Variants in CSMD1 observed in about 807,000 individuals in gnomAD.
The protein encoded by CSMD1 is CUB and Sushi multiple domains 1.
In CSMD1, 213 loss-of-function variants were observed where a neutral mutation model predicts 417.5. The ratio of observed to expected loss-of-function variants is 0.51; its 90% CI spans 0.46 to 0.57. The LOEUF is 0.57. CSMD1 is among the 20% of genes least tolerant of loss of function. CSMD1 has a pLI of 0.00. For missense variants in CSMD1, 6,923 were observed against 4,529.7 expected, an observed-to-expected ratio of 1.53 and a Z score of -15.17; for synonymous variants, 2,862 against 1,736.8, an observed-to-expected ratio of 1.65 and a Z score of -16.11.
At chr8:4,933,570 A>G (rs1020621677) in intron 1 of CSMD1, among the ~76,000 whole-genome samples, 41 of 152,182 alleles carry the variant, frequency 2.7e-4, no homozygotes, top group Admixed American at 6.5e-4. Context: ...GATACATACA[A>G]TACTGGAAGT....
chr8:4,523,530 C>A (rs1803596488), intron 2 of CSMD1, among the ~76,000 whole-genome samples: 1 of 152,062 alleles, frequency 6.6e-6, no homozygotes, highest in Non-Finnish European at 1.5e-5. Flanking sequence ...CTCTCTCACA[C>A]ACACACACTC....
intron 6 of CSMD1, among the ~76,000 whole-genome samples, chr8:3,720,756 G>A (rs149274329): frequency 1.2e-4 from 19 of 152,226 alleles, no homozygotes; most frequent in East Asian, 3.9e-4. Flanking sequence ...GAGCAAAGCT[G>A]TAACACCTTC....
At chr8:4,433,588 C>A (rs1797990094) in intron 2 of CSMD1, among the ~76,000 whole-genome samples, 1 of 152,090 alleles carries the variant, frequency 6.6e-6, no homozygotes, top group African/African-American at 2.4e-5. Flanking sequence ...TGAAAAGCGC[C>A]CTTAAAATGG....
intron 3 of CSMD1, among the ~76,000 whole-genome samples, chr8:4,172,821 G>C (rs904653133): frequency 6.6e-6 from 1 of 152,094 alleles, no homozygotes; most frequent in South Asian, 2.1e-4. Flanking sequence ...CCCTGGATAT[G>C]TCCATATGGA....
At chr8:4,701,423 G>C (rs1168990680) in intron 1 of CSMD1, among the ~76,000 whole-genome samples, 2 of 151,400 alleles carry the variant, frequency 1.3e-5, no homozygotes, top group African/African-American at 4.9e-5. Flanking sequence ...TCCTGTGCCT[G>C]AACCACAGCT....
intron 2 of CSMD1, among the ~76,000 whole-genome samples, chr8:4,490,415 T>A (rs1801642091): frequency 6.6e-6 from 1 of 152,218 alleles, no homozygotes; most frequent in Non-Finnish European, 1.5e-5. Flanking sequence ...GTATTTCACA[T>A]CTGTCCTATC....
chr8:3,188,866 C>G (rs1796247359), intron 35 of CSMD1, 21 bp downstream of exon 35: 3 of 1,542,884 alleles, frequency 1.9e-6, no homozygotes, highest in African/African-American at 2.7e-5. Context: ...CTGTTGTAGA[C>G]TGTGGACTTC....
intron 25 of CSMD1, among the ~76,000 whole-genome samples, chr8:3,290,106 T>C (rs1395520444): frequency 1.4e-5 from 2 of 146,980 alleles, no homozygotes; most frequent in Non-Finnish European, 2.9e-5. Flanking sequence ...TTGCTTGTTT[T>C]TGTCAGGTTT....
At chr8:3,464,907 T>G (rs1054519536) in intron 12 of CSMD1, among the ~76,000 whole-genome samples, 2 of 152,170 alleles carry the variant, frequency 1.3e-5, no homozygotes, top group African/African-American at 4.8e-5. Flanking sequence ...GCTCTCTTTG[T>G]TTTTTAAACT....
At chr8:4,119,883 A>T (rs1350584033) in intron 3 of CSMD1, among the ~76,000 whole-genome samples, 1 of 152,246 alleles carries the variant, frequency 6.6e-6, no homozygotes, top group Non-Finnish European at 1.5e-5. Flanking sequence ...GACAAAGTAC[A>T]GGACAGTTGC....
intron 1 of CSMD1, among the ~76,000 whole-genome samples, chr8:4,983,228 G>C (rs937577549): frequency 4.6e-5 from 7 of 152,160 alleles, no homozygotes; most frequent in African/African-American, 1.7e-4. Context: ...TCAATAAGCA[G>C]GCACAGTGAC....
At chr8:4,825,608 GAAAAA>G (rs60559075) in intron 1 of CSMD1, among the ~76,000 whole-genome samples, 44,588 of 151,294 alleles carry the variant, frequency 0.29, 6,810 homozygotes, top group African/African-American at 0.37. Flanking sequence ...GAAAAGAAAA[GAAAAA>G]GAGACATGTG....
At chr8:4,082,208 A>G (rs1011122508) in intron 3 of CSMD1, among the ~76,000 whole-genome samples, 1 of 152,162 alleles carries the variant, frequency 6.6e-6, no homozygotes, top group Admixed American at 6.6e-5. Flanking sequence ...ATTTTTCCCC[A>G]AAATTATGAC....
intron 2 of CSMD1, among the ~76,000 whole-genome samples, chr8:4,623,828 GCTGGCAAC>G (rs1801928970): frequency 6.6e-6 from 1 of 151,990 alleles, no homozygotes; most frequent in African/African-American, 2.4e-5. Context: ...TCAGTGGTGT[GCTGGCAAC>G]AAAACTTAGA....
chr8:4,703,814 C>T (rs1369020874), intron 1 of CSMD1, among the ~76,000 whole-genome samples: 1 of 152,124 alleles, frequency 6.6e-6, no homozygotes, highest in Non-Finnish European at 1.5e-5. Flanking sequence ...TCAACAGTCC[C>T]CAGCATTTTT....
chr8:4,868,300 C>A (rs949005624), intron 1 of CSMD1, among the ~76,000 whole-genome samples: 1 of 152,098 alleles, frequency 6.6e-6, no homozygotes, highest in Non-Finnish European at 1.5e-5. Context: ...GTGGCGCGAT[C>A]TCGGCTCAGT....
chr8:4,880,149 A>G (rs1330473392), intron 1 of CSMD1, among the ~76,000 whole-genome samples: 1 of 151,974 alleles, frequency 6.6e-6, no homozygotes, highest in Non-Finnish European at 1.5e-5. Context: ...AGATATTGTG[A>G]TATGTTTCCC....
chr8:3,437,172 A>G (rs1357988399), intron 12 of CSMD1, among the ~76,000 whole-genome samples: 1 of 152,172 alleles, frequency 6.6e-6, no homozygotes, highest in Admixed American at 6.5e-5. Context: ...TGAATTTATC[A>G]TAATACTGTT....
intron 3 of CSMD1, among the ~76,000 whole-genome samples, chr8:4,366,469 G>C (rs993199583): frequency 6.6e-6 from 1 of 152,158 alleles, no homozygotes; most frequent in African/African-American, 2.4e-5. Context: ...GGTTTAAATA[G>C]TAGTCCTGTT....
Sources: gnomAD v4.1 joint callset for allele counts (sites outside exome capture counted in the v4.1 genomes callset) on GRCh38, gnomAD v4.1.1 for gene constraint, MANE v1.5 for transcripts, NCBI Gene and HGNC (gene_info 2026-07-23, HGNC 2026-07-21) for gene names.